The following ABCC4 variants were observed in gnomAD, a reference collection of about 807,000 sequenced individuals.
The protein encoded by ABCC4 is ATP-binding cassette sub-family C member 4.
In ABCC4, 102 loss-of-function variants were observed where a neutral mutation model predicts 168.5. The observed-to-expected ratio is 0.61, with a 90% CI of 0.52 to 0.71. ABCC4 has a LOEUF of 0.71. Among genes scored for constraint, ABCC4 ranks in the 30% least tolerant of loss-of-function variants. The probability of loss-of-function intolerance (pLI) is 0.00; values close to 1 mark genes in which losing one functional copy is unlikely to be tolerated. For synonymous variants in ABCC4, 617 were observed against 590.7 expected (o/e 1.04, Z -0.65); for missense variants, 1,402 against 1,605.8 (o/e 0.87, Z 2.17).
At chr13:95,177,359 G>A (rs1030588522) in intron 13 of ABCC4, among the ~76,000 whole-genome samples, 4 of 152,076 alleles carry the variant, frequency 2.6e-5, no homozygotes, top group African/African-American at 9.7e-5. Context: ...GAAAAATGGA[G>A]TACCATCTTT....
At chr13:95,122,171 C>A (rs944331859) in intron 19 of ABCC4, among the ~76,000 whole-genome samples, 1 of 152,142 alleles carries the variant, frequency 6.6e-6, no homozygotes, top group Admixed American at 6.5e-5. Flanking sequence ...TTCTGATTCT[C>A]TTCTCGAACT....
At position 95,163,189 on chromosome 13, in the gene ABCC4, G is replaced by A; in HGVS notation, c.2241C>T (p.Val747=). Residue 747 remains valine, a synonymous_variant, in exon 18 of 31, where the codon GTC becomes GTT. Coordinates refer to ENST00000645237, the MANE Select transcript of ABCC4 (RefSeq NM_005845.5). ...YWANKQSMLN[V]TVNGGGNVTE... The stretch of plus-strand genomic sequence containing the variant: ...TTACATTTCCTCCTCCATTTACAGT[G>A]ACATTTAGCATACTTTGTTTGTTTG... 1 of 1,612,834 alleles carries A rather than the reference G, an allele frequency of 6.2e-7. No individual in the cohort carries two copies. Among genetic ancestry groups the A allele is most frequent in the Non-Finnish European group, 8.5e-7 (1 of 1,179,254 alleles).
intron 19 of ABCC4, among the ~76,000 whole-genome samples, chr13:95,155,466 T>A (rs1032041374): frequency 3.9e-5 from 6 of 152,256 alleles, no homozygotes; most frequent in Non-Finnish European, 8.8e-5. Flanking sequence ...ACCACAAGCA[T>A]CTTCCACTGG....
chr13:95,278,025 A>G (rs1191069561), intron 1 of ABCC4, among the ~76,000 whole-genome samples: 1 of 152,176 alleles, frequency 6.6e-6, no homozygotes, highest in Non-Finnish European at 1.5e-5. Flanking sequence ...CCCACTGGAG[A>G]AGGCAAGTCT....
chr13:95,177,216 A>G (rs936974742), intron 13 of ABCC4, among the ~76,000 whole-genome samples: 3 of 152,196 alleles, frequency 2.0e-5, no homozygotes, highest in African/African-American at 7.2e-5. Context: ...ATTAGTATGT[A>G]AAGAGCAACA....
intron 19 of ABCC4, among the ~76,000 whole-genome samples, chr13:95,131,089 T>A (rs2035942752): frequency 6.6e-6 from 1 of 152,150 alleles, no homozygotes; most frequent in Non-Finnish European, 1.5e-5. Flanking sequence ...GTAACAAAAC[T>A]CAGGTGGGGT....
At chr13:95,074,413 G>A (rs1462995133) in intron 22 of ABCC4, 89 bp from the exon 23 acceptor site, 24 of 1,019,750 alleles carry the variant, frequency 2.4e-5, no homozygotes, top group African/African-American at 8.0e-5. Flanking sequence ...AGATTTTTAC[G>A]TGGAGTAGGG....
chr13:95,161,326 A>C lies in ABCC4; in HGVS notation c.2318T>G (p.Val773Gly), dbSNP rs1297621722. ...TGCTATGCCAAAAAGAACGGTAGCT[A>C]CAGTTAAACCTGAAATAAAGAAATA... ...WYLGIYSGLT[V>G]ATVLFGIARS... The change falls in exon 19 of 31, where the codon GTA (valine) becomes GGA (glycine). Residue 773 changes from valine to glycine, a missense_variant. Physicochemically the swap from Val to Gly is moderately radical, Grantham distance 109 (BLOSUM62 -3). Around this residue, in one of 3 missense-constraint regions of ABCC4, gnomAD observed 1,007 missense variants for 1,127.3 expected, o/e 0.89. Coordinates refer to ENST00000645237, the MANE Select transcript of ABCC4 (RefSeq NM_005845.5). The C allele has an allele frequency of 6.3e-7, 1 of 1,585,298 alleles. No individual in the cohort carries two copies. The highest frequency in any genetic ancestry group is 8.5e-7 in the Non-Finnish European group (1 of 1,170,520).
intron 20 of ABCC4, among the ~76,000 whole-genome samples, chr13:95,113,546 TAC>T (rs1313848755): frequency 6.7e-6 from 1 of 149,586 alleles, no homozygotes; most frequent in African/African-American, 2.5e-5. Flanking sequence ...TTTTCATCCT[TAC>T]AGAGAGGCCT....
rs147105733 is a variant in ABCC4 at position 95,052,831 on chromosome 13, G to A, written c.3456+264C>T. Among the ~76,000 whole-genome samples the A allele has an allele frequency of 2.0e-5, 3 of 152,252 alleles. No individual in the cohort carries two copies. The East Asian group carries it at 5.8e-4, about 29-fold the overall frequency. Reference sequence around the variant, plus strand: ...TCATAAATACAACTTCTAGTTTAACGCATTGCTAAAGACAAATAAAACAAC... The same window carrying A: ...TCATAAATACAACTTCTAGTTTAACACATTGCTAAAGACAAATAAAACAAC... On this transcript the variant is annotated intron_variant, in intron 27 of 30. Coordinates refer to ENST00000645237, the MANE Select transcript of ABCC4 (RefSeq NM_005845.5).
intron 1 of ABCC4, among the ~76,000 whole-genome samples, chr13:95,266,436 G>A (rs1180278751): frequency 4.6e-5 from 7 of 152,120 alleles, no homozygotes; most frequent in Non-Finnish European, 8.8e-5. Flanking sequence ...TTTACCTTCT[G>A]GCCTCCTGAA....
chr13:95,295,895 AGGC>A, intron 1 of ABCC4, among the ~76,000 whole-genome samples: 1 of 149,278 alleles, frequency 6.7e-6, no homozygotes, highest in Non-Finnish European at 1.5e-5. Flanking sequence ...TGAACCCAGG[AGGC>A]AGAGGTTGCA....
chr13:95,141,829 G>C (rs538049341), intron 19 of ABCC4, among the ~76,000 whole-genome samples: 1 of 152,246 alleles, frequency 6.6e-6, no homozygotes, highest in Admixed American at 6.5e-5. Flanking sequence ...TCAAACTCCT[G>C]GGCTCAAGGG....
chr13:95,293,583 C>A (rs1207575833), intron 1 of ABCC4, among the ~76,000 whole-genome samples: 20 of 149,992 alleles, frequency 1.3e-4, no homozygotes, highest in Non-Finnish European at 1.5e-5. Flanking sequence ...TCTCCTGCCT[C>A]AGCCTCTCGA....
intron 1 of ABCC4, among the ~76,000 whole-genome samples, chr13:95,287,135 T>C (rs1211625164): frequency 2.0e-5 from 3 of 150,640 alleles, no homozygotes; most frequent in African/African-American, 4.9e-5. Context: ...CTATCTCTAA[T>C]AAAATACAAA....
chr13:95,100,446 G>A (rs2034756853), intron 20 of ABCC4, among the ~76,000 whole-genome samples: 1 of 152,060 alleles, frequency 6.6e-6, no homozygotes, highest in African/African-American at 2.4e-5. Flanking sequence ...CTATCACACT[G>A]GAAAAAACCC....
rs997056911 is a variant in ABCC4, at chr13:95,236,618, ACACTCT to A, written c.307-1790_307-1785del. 1.9e-4 allele frequency among the ~76,000 whole-genome samples: 28 copies of A among 150,070 alleles called. No individual in the cohort carries two copies. In the East Asian group the frequency reaches 2.2e-3, roughly 12 times the overall value. On this transcript the variant is annotated intron_variant, in intron 3 of 30. Transcript: ENST00000645237. ...CGCGTGCGCGCACACACACACACAC[ACACTCT>A]CTCTCACACACTTCACCAACTGCAC...
intron 1 of ABCC4, among the ~76,000 whole-genome samples, chr13:95,270,909 C>T (rs768983881): frequency 6.6e-6 from 1 of 152,174 alleles, no homozygotes; most frequent in African/African-American, 2.4e-5. Context: ...TCCTGGTTAA[C>T]ATGGTGAAAC....
At chr13:95,209,013 TA>T (rs1347215374) in intron 6 of ABCC4, among the ~76,000 whole-genome samples, 38 of 150,548 alleles carry the variant, frequency 2.5e-4, no homozygotes, top group Non-Finnish European at 5.2e-4. Flanking sequence ...GCTTACAATT[TA>T]ATGGAAATAC....
Sources: gnomAD v4.1 joint callset for allele counts (sites outside exome capture counted in the v4.1 genomes callset) on GRCh38, gnomAD v4.1.1 for gene constraint, gnomAD v4.1.1 regional missense constraint, MANE v1.5 for transcripts, NCBI Gene and HGNC (gene_info 2026-07-23, HGNC 2026-07-21) for gene names.